ICA1: variants seen among roughly 807,000 people sequenced by gnomAD.
The protein encoded by ICA1 is islet cell autoantigen 1.
Under a neutral mutation model 71.0 loss-of-function variants are expected in ICA1, and 40 were observed. The observed-to-expected ratio is 0.56, with a 90% confidence interval of 0.44 to 0.73. The LOEUF (loss-of-function observed/expected upper bound fraction) is 0.73, where lower values mean the gene tolerates loss of function less well. Among genes scored for constraint, ICA1 ranks in the 30% least tolerant of loss-of-function variants. The pLI is 0.00. For synonymous variants in ICA1, 207 were observed against 209.5 expected (o/e 0.99, Z 0.10); for missense variants, 578 against 576.5 (o/e 1.00, Z -0.03).
intron 6 of ICA1, among the ~76,000 whole-genome samples, chr7:8,213,324 A>G (rs959965466): frequency 2.0e-5 from 3 of 152,226 alleles, no homozygotes; most frequent in Non-Finnish European, 4.4e-5. Flanking sequence ...CAAAGTCCTG[A>G]GAGATATTAG....
At chr7:8,254,802 C>G (rs978605669) in intron 1 of ICA1, among the ~76,000 whole-genome samples, 1 of 152,074 alleles carries the variant, frequency 6.6e-6, no homozygotes, top group Non-Finnish European at 1.5e-5. Context: ...TTACATACTT[C>G]ACAATGATGC....
chr7:8,259,577 T>G (rs61569932), intron 1 of ICA1, among the ~76,000 whole-genome samples: 5,927 of 152,308 alleles, frequency 0.039, 278 homozygotes, highest in African/African-American at 0.11. Flanking sequence ...TGAGTCCTAT[T>G]TAAAAGCGTG....
intron 7 of ICA1, chr7:8,158,230 T>C (rs1802429017): frequency 5.8e-6 from 2 of 343,602 alleles, no homozygotes; most frequent in South Asian, 4.4e-5. Flanking sequence ...TTCTGTCTCG[T>C]ACATTAAAAA....
At chr7:8,140,362 G>C (rs1794804895) in intron 10 of ICA1, among the ~76,000 whole-genome samples, 1 of 152,178 alleles carries the variant, frequency 6.6e-6, no homozygotes, top group Non-Finnish European at 1.5e-5. Flanking sequence ...ACTTTCTCCA[G>C]GTCCTCCTGT....
chr7:8,227,876 G>A, intron 4 of ICA1: 1 of 448,596 alleles, frequency 2.2e-6, no homozygotes, highest in Non-Finnish European at 4.6e-6. Context: ...GTCAGACAAT[G>A]CACCCAGCCT....
intron 6 of ICA1, among the ~76,000 whole-genome samples, chr7:8,183,215 A>G (rs567818526): frequency 1.4e-4 from 22 of 152,336 alleles, no homozygotes; most frequent in Non-Finnish European, 2.6e-4. Context: ...CCTACCTGAC[A>G]CTGAAACTTA....
intron 8 of ICA1, among the ~76,000 whole-genome samples, chr7:8,145,697 C>A (rs1469974169): frequency 6.2e-5 from 9 of 146,232 alleles, no homozygotes; most frequent in Non-Finnish European, 1.3e-4. Context: ...TGATGATTTT[C>A]ATATATTTTC....
intron 6 of ICA1, among the ~76,000 whole-genome samples, chr7:8,165,392 G>C (rs1805535384): frequency 6.6e-6 from 1 of 152,118 alleles, no homozygotes; most frequent in South Asian, 2.1e-4. Context: ...TCTATTTTTG[G>C]TCTCCCCTCA....
intron 6 of ICA1, among the ~76,000 whole-genome samples, chr7:8,162,788 G>C (rs146386715): frequency 0.057 from 8,683 of 152,118 alleles, 293 homozygotes; most frequent in Middle Eastern, 0.14. Flanking sequence ...TTTAGAGATG[G>C]AGTCTCGCTC....
chr7:8,146,246 T>A (rs555188632), intron 8 of ICA1, among the ~76,000 whole-genome samples: 59 of 152,278 alleles, frequency 3.9e-4, no homozygotes, highest in South Asian at 4.2e-4. Flanking sequence ...TAGCAGGATG[T>A]CCTCTTTTGG....
intron 6 of ICA1, among the ~76,000 whole-genome samples, chr7:8,177,247 A>T (rs954054910): frequency 2.6e-5 from 4 of 152,260 alleles, no homozygotes; most frequent in African/African-American, 7.2e-5. Context: ...TGTAGTTTAT[A>T]ATATGTAGAT....
intron 9 of ICA1, 171 bp from the exon 10 acceptor site, chr7:8,141,988 C>T (rs1013881458): frequency 6.7e-7 from 1 of 1,501,962 alleles, no homozygotes; most frequent in South Asian, 1.2e-5. Flanking sequence ...TGCTGGCCTT[C>T]TTTCCCTTTC....
rs1163109382 is a variant in ICA1, at chr7:8,157,129, A to C, written c.791T>G (p.Phe264Cys). 1.2e-6 allele frequency: 2 copies of C among 1,613,988 alleles called. No individual in the cohort carries two copies. Among genetic ancestry groups the C allele is most frequent in the East Asian group, 2.2e-5 (1 of 44,888 alleles). The change falls in exon 8 of 14, where the codon TTT becomes TGT. Residue 264 changes from phenylalanine to cysteine, a missense_variant. Physicochemically the swap from Phe to Cys is radical, Grantham distance 205 (BLOSUM62 -2). Coordinates refer to ENST00000402384, the MANE Select transcript of ICA1 (RefSeq NM_001136020.3). ...TAGCTTCCATACCTTTAAAGTAGTA[A>C]ATTCATATGGTTGATAACCTTTGAA... is the stretch of plus-strand genomic sequence containing the variant. Reference protein sequence around the residue: ...ESFKGYQPYEFTTLKSLQDPM... With the variant: ...ESFKGYQPYECTTLKSLQDPM...
intron 6 of ICA1, among the ~76,000 whole-genome samples, chr7:8,176,084 C>T (rs1003978431): frequency 5.3e-5 from 8 of 152,226 alleles, no homozygotes; most frequent in Non-Finnish European, 1.2e-4. Context: ...TTCCTAAAAG[C>T]AAACAGCCAG....
Position 8,144,016 on chromosome 7 carries a change from G to T in ICA1, c.805-44C>A, listed in dbSNP as rs376823289. On this transcript the variant is annotated intron_variant, in intron 8 of 13. Coordinates refer to ENST00000402384, the MANE Select transcript of ICA1 (RefSeq NM_001136020.3). The surrounding 1 kb of genome is among the most constrained non-coding windows in gnomAD (Gnocchi z 4.5). ...AAAAATGAAAAAGAAAAAAAAAGAA[G>T]AAGAAATAGAGACAAAAAAAAGAAA... The T allele has an allele frequency of 2.7e-5, 29 of 1,080,072 alleles. No individual in the cohort carries two copies. In the African/African-American group the frequency reaches 3.8e-4, roughly 14 times the overall value. The allele number at this position is 1,080,072 out of a possible 1,614,324, so 66.9% of individuals were successfully genotyped here.
chr7:8,185,867 T>A (rs1484091683), intron 6 of ICA1, among the ~76,000 whole-genome samples: 1 of 152,222 alleles, frequency 6.6e-6, no homozygotes, highest in Non-Finnish European at 1.5e-5. Context: ...TAGTAAGCAC[T>A]CAAGAACTGA....
chr7:8,142,851 G>C (rs868260121), intron 9 of ICA1, among the ~76,000 whole-genome samples: 1 of 152,208 alleles, frequency 6.6e-6, no homozygotes, highest in Admixed American at 6.5e-5. Flanking sequence ...AGTTTTACTA[G>C]ATTCAGATCA....
chr7:8,155,646 T>G (rs1442110770), intron 8 of ICA1, among the ~76,000 whole-genome samples: 1 of 152,222 alleles, frequency 6.6e-6, no homozygotes, highest in African/African-American at 2.4e-5. Context: ...TGAAATGATG[T>G]ATAAAAGAAA....
intron 6 of ICA1, among the ~76,000 whole-genome samples, chr7:8,161,687 C>T (rs1048533466): frequency 2.0e-5 from 3 of 152,060 alleles, no homozygotes; most frequent in African/African-American, 2.4e-5. Flanking sequence ...ACCAGTTGTC[C>T]CAGCAGATCA....
Sources: allele counts gnomAD v4.1 joint callset (sites outside exome capture counted in the v4.1 genomes callset), GRCh38; gene constraint gnomAD v4.1.1; non-coding constraint Gnocchi (gnomAD v3.1); transcripts MANE v1.5; gene names NCBI Gene and HGNC (gene_info 2026-07-23, HGNC 2026-07-21).